The following ZNF483 variants were observed in gnomAD, a reference collection of about 807,000 sequenced individuals.
The protein encoded by ZNF483 is zinc finger protein HIT-10.
A neutral mutation model predicts 28.6 loss-of-function variants in ZNF483; 9 were observed. That is an observed-to-expected ratio of 0.32 (90% CI 0.19 to 0.55). The LOEUF (loss-of-function observed/expected upper bound fraction) is 0.55, where lower values mean the gene tolerates loss of function less well. Among genes scored for constraint, ZNF483 ranks in the 20% least tolerant of loss-of-function variants. ZNF483 has a pLI of 0.93. For missense variants in ZNF483, 675 were observed against 871.7 expected, an observed-to-expected ratio of 0.77 and a Z score of 2.84; for synonymous variants, 322 against 306.2, an observed-to-expected ratio of 1.05 and a Z score of -0.54.
chr9:111,564,493 A>G (rs2132321756), intron 5 of ZNF483, among the ~76,000 whole-genome samples: 1 of 151,580 alleles, frequency 6.6e-6, no homozygotes, highest in East Asian at 2.0e-4. Context: ...TTTTGTAGAG[A>G]CGGGGTCTTG....
intron 5 of ZNF483, among the ~76,000 whole-genome samples, chr9:111,571,082 G>A (rs1045106133): frequency 1.5e-5 from 2 of 133,070 alleles, no homozygotes; most frequent in African/African-American, 5.0e-5. Flanking sequence ...ATGCAGCCCT[G>A]CCAACCCATT....
At chr9:111,539,131 A>C (rs1827603325) in intron 5 of ZNF483, among the ~76,000 whole-genome samples, 2 of 150,664 alleles carry the variant, frequency 1.3e-5, no homozygotes, top group Admixed American at 6.6e-5. Context: ...AAAAAAAAAA[A>C]AAAAAAACCT....
rs1827718561 is a variant in ZNF483, at chr9:111,543,314, C to T, written c.*144C>T. 16 of 1,399,850 alleles carry T rather than the reference C, an allele frequency of 1.1e-5. No homozygotes were observed. The South Asian group carries it at 2.9e-4, about 25-fold the overall frequency. 86.7% of individuals were successfully genotyped at this position (1,399,850 alleles called of 1,614,324 possible). A position where few individuals can be genotyped will look rare whatever the true frequency, so the allele number is the denominator to read the frequency against. ...AAAATATCCTTTTGCCCATTCATCC[C>T]TCTTCTTTTCAAGGATGGCAACGAC... is the stretch of plus-strand genomic sequence containing the variant. On this transcript the variant is annotated 3_prime_UTR_variant, in exon 6 of 6. Coordinates refer to ENST00000309235, the MANE Select transcript of ZNF483 (RefSeq NM_133464.5).
intron 5 of ZNF483, chr9:111,570,180 C>T (rs769836427): frequency 6.2e-7 from 1 of 1,614,058 alleles, no homozygotes; most frequent in Admixed American, 1.7e-5. Flanking sequence ...ATGCGAAGCT[C>T]CTGATAGATA....
intron 5 of ZNF483, among the ~76,000 whole-genome samples, chr9:111,566,522 T>C (rs1232891200): frequency 6.6e-6 from 1 of 152,208 alleles, no homozygotes; most frequent in Non-Finnish European, 1.5e-5. Context: ...CCTGTAAAAC[T>C]AAAATAATGC....
intron 4 of ZNF483, 140 bp downstream of exon 4, chr9:111,534,005 G>A (rs1827413459): frequency 5.4e-6 from 6 of 1,104,124 alleles, no homozygotes; most frequent in Admixed American, 4.9e-5. Context: ...CTAAAAACTG[G>A]TTCTGAAAAT....
chr9:111,550,196 A>G lies in ZNF483; in HGVS notation c.*7026A>G, dbSNP rs1442464659. Reference sequence around the variant, plus strand: ...CTGCGTTTTTCCCTGGGCGGGAGCAATGGCTTTCTGAATTCACCTAGATAC... The same window carrying G: ...CTGCGTTTTTCCCTGGGCGGGAGCAGTGGCTTTCTGAATTCACCTAGATAC... On this transcript the variant is annotated 3_prime_UTR_variant, in exon 6 of 6. Coordinates refer to ENST00000309235, the MANE Select transcript of ZNF483 (RefSeq NM_133464.5). 6.6e-6 allele frequency among the ~76,000 whole-genome samples: 1 copy of G among 152,128 alleles called. No individual in the cohort carries two copies. The highest frequency in any genetic ancestry group is 2.1e-4 in the South Asian group (1 of 4,830).
chr9:111,542,563 G>A lies in ZNF483; in HGVS notation c.1628G>A (p.Arg543Gln). ...AGTTCATCTCTTATTCAACATCAGC[G>A]AATTCATACTGGAGAAAAACCCTAT... ...SDSSSLIQHQ[R>Q]IHTGEKPYTC... Residue 543 changes from arginine (R) to glutamine (Q), a missense_variant, in exon 6 of 6, where the codon CGA becomes CAA. Around this residue, in one of 6 missense-constraint regions of ZNF483, gnomAD observed 41 missense variants for 69.0 expected, o/e 0.59. Coordinates refer to ENST00000309235, the MANE Select transcript of ZNF483 (RefSeq NM_133464.5). The surrounding 1 kb of genome is among the most constrained non-coding windows in gnomAD (Gnocchi z 6.2). 3.1e-6 allele frequency: 5 copies of A among 1,613,998 alleles called. No homozygotes were observed. The highest frequency in any genetic ancestry group is 3.4e-6 in the Non-Finnish European group (4 of 1,180,000).
chr9:111,533,969 G>A, intron 4 of ZNF483, 104 bp downstream of exon 4: 1 of 1,367,260 alleles, frequency 7.3e-7, no homozygotes, highest in Non-Finnish European at 1.0e-6. Flanking sequence ...TTTTGGCTGG[G>A]GACCCAGGGA....
At chr9:111,534,718 CTTTTT>C (rs67740162) in intron 5 of ZNF483, among the ~76,000 whole-genome samples, 3 of 88,130 alleles carry the variant, frequency 3.4e-5, no homozygotes, top group Non-Finnish European at 6.5e-5. Context: ...GTCGTTCTAT[CTTTTT>C]TTTTTTTTTT....
chr9:111,567,799 C>T (rs1828632349), intron 5 of ZNF483, among the ~76,000 whole-genome samples: 2 of 152,200 alleles, frequency 1.3e-5, no homozygotes, highest in African/African-American at 4.8e-5. Flanking sequence ...GTAGAGTCCA[C>T]TACTGTTGCG....
rs1031995837 is a variant in ZNF483 at position 111,543,355 on chromosome 9, A to G, written c.*185A>G. On this transcript the variant is annotated 3_prime_UTR_variant, in exon 6 of 6. Coordinates refer to ENST00000309235, the MANE Select transcript of ZNF483 (RefSeq NM_133464.5). ...TGGCAACGACTGGTAAACAGTAATT[A>G]GTTGGTAAAGTCACTGGAAAGGGAA... 8 of 1,359,510 alleles carry G rather than the reference A, an allele frequency of 5.9e-6. No homozygotes were observed. Among genetic ancestry groups the G allele is most frequent in the Non-Finnish European group, 7.5e-6 (8 of 1,060,972 alleles). The allele number at this position is 1,359,510 out of a possible 1,614,324, so 84.2% of individuals were successfully genotyped here.
intron 5 of ZNF483, among the ~76,000 whole-genome samples, chr9:111,572,035 A>C (rs757405376): frequency 1.3e-5 from 2 of 152,258 alleles, no homozygotes; most frequent in Non-Finnish European, 2.9e-5. Flanking sequence ...TAGGCTTTCA[A>C]GTTCCAGGAA....
At chr9:111,534,984 A>AAGTGCTGG (rs1221226614) in intron 5 of ZNF483, among the ~76,000 whole-genome samples, 1 of 152,060 alleles carries the variant, frequency 6.6e-6, no homozygotes, top group African/African-American at 2.4e-5. Context: ...CGGCCTCCCA[A>AAGTGCTGG]AGTGCTGGGA....
At chr9:111,538,207 A>G (rs1564595277) in intron 5 of ZNF483, among the ~76,000 whole-genome samples, 1 of 151,686 alleles carries the variant, frequency 6.6e-6, no homozygotes, top group African/African-American at 2.4e-5. Flanking sequence ...AAATTTTTCT[A>G]ACATGTTTAT....
At chr9:111,563,203 A>T in intron 5 of ZNF483, 1 of 1,613,882 alleles carries the variant, frequency 6.2e-7, no homozygotes, top group Non-Finnish European at 8.5e-7. Context: ...AAATCCTTCA[A>T]TGATATATTC....
chr9:111,550,308 T>C lies in ZNF483; in HGVS notation c.*7138T>C, dbSNP rs1827903412. Among the ~76,000 whole-genome samples, 1 of 152,190 alleles carries C rather than the reference T, an allele frequency of 6.6e-6. No homozygotes were observed. Among genetic ancestry groups the C allele is most frequent in the Non-Finnish European group, 1.5e-5 (1 of 68,026 alleles). ...AGCCAGTTGGGGGTTGGGAGAATGG[T>C]AGCTTGCTTCTTTGTCTGCTCTTTC... On this transcript the variant is annotated 3_prime_UTR_variant, in exon 6 of 6. Transcript: ENST00000309235.
intron 5 of ZNF483, among the ~76,000 whole-genome samples, chr9:111,536,013 C>CA (rs1284358574): frequency 6.6e-6 from 1 of 150,718 alleles, no homozygotes; most frequent in African/African-American, 2.4e-5. Flanking sequence ...CTCAGCCTCC[C>CA]AACTAGCTGG....
rs977658783 is a variant in ZNF483, at chr9:111,546,485, C to T, written c.*3315C>T. 1.3e-5 allele frequency among the ~76,000 whole-genome samples: 2 copies of T among 152,076 alleles called. No individual in the cohort carries two copies. Among genetic ancestry groups the T allele is most frequent in the African/African-American group, 2.4e-5 (1 of 41,432 alleles). On this transcript the variant is annotated 3_prime_UTR_variant, in exon 6 of 6. Coordinates refer to ENST00000309235, the MANE Select transcript of ZNF483 (RefSeq NM_133464.5). ...AGTCAGATTATCAAAAGGCTTTAAA[C>T]GTCTTTTGATTCATTATAGGATTGC... is the stretch of plus-strand genomic sequence containing the variant.
Sources: gnomAD v4.1 joint callset for allele counts (sites outside exome capture counted in the v4.1 genomes callset) on GRCh38, gnomAD v4.1.1 for gene constraint, gnomAD v4.1.1 regional missense constraint, Gnocchi (gnomAD v3.1) non-coding constraint, MANE v1.5 for transcripts, NCBI Gene and HGNC (gene_info 2026-07-23, HGNC 2026-07-21) for gene names.